The following SYTL5 variants were observed in gnomAD, a reference collection of about 807,000 sequenced individuals.
SYTL5 encodes the protein synaptotagmin-like protein 5.
Under a neutral mutation model 55.9 loss-of-function variants are expected in SYTL5, and 34 were observed. That is an observed-to-expected ratio of 0.61 (90% confidence interval 0.46 to 0.81). SYTL5 has a LOEUF of 0.81. Ranked by LOEUF, SYTL5 falls within the 30% of genes least tolerant of loss-of-function variation. SYTL5 has a pLI of 0.00. For missense variants in SYTL5, 637 were observed against 546.7 expected, an observed-to-expected ratio of 1.17 and a Z score of -1.65; for synonymous variants, 221 against 188.7, an observed-to-expected ratio of 1.17 and a Z score of -1.40.
intron 2 of SYTL5, among the ~76,000 whole-genome samples, chrX:38,038,808 T>C (rs768442837): frequency 1.8e-5 from 2 of 112,294 alleles, no homozygotes; most frequent in East Asian, 5.5e-4. Context: ...AATAAACTTA[T>C]CTGAAAAGTT....
chrX:38,060,727 A>G (rs1340887580), intron 3 of SYTL5, among the ~76,000 whole-genome samples: 2 of 112,360 alleles, frequency 1.8e-5, no homozygotes, highest in Non-Finnish European at 3.8e-5. Context: ...CTCTGAACAA[A>G]GTAAATTCCT....
the SYTL5 span, among the ~76,000 whole-genome samples, chrX:37,923,177 A>G: frequency 3.6e-5 from 4 of 112,622 alleles, no homozygotes; most frequent in African/African-American, 1.3e-4. Flanking sequence ...CCCTGCTGTA[A>G]GAGTCATTCT....
the SYTL5 span, among the ~76,000 whole-genome samples, chrX:37,985,353 TAAAAAC>T: frequency 9.0e-6 from 1 of 111,419 alleles, no homozygotes; most frequent in Non-Finnish European, 1.9e-5. Context: ...GAAAAAATGT[TAAAAAC>T]AAAAATATCA....
chrX:38,026,300 A>G (rs1294413076), intron 1 of SYTL5, among the ~76,000 whole-genome samples: 1 of 111,695 alleles, frequency 9.0e-6, no homozygotes, highest in Non-Finnish European at 1.9e-5. Flanking sequence ...CATCAACTGC[A>G]TTCTATCTTA....
At chrX:37,980,400 C>A in the SYTL5 span, among the ~76,000 whole-genome samples, 1 of 111,663 alleles carries the variant, frequency 9.0e-6, no homozygotes, top group Non-Finnish European at 1.9e-5. Flanking sequence ...ACTGGCAAGC[C>A]TTAGTAAATC....
chrX:38,049,638 C>G (rs941430467), intron 2 of SYTL5, among the ~76,000 whole-genome samples: 3 of 111,675 alleles, frequency 2.7e-5, no homozygotes, highest in African/African-American at 9.8e-5. Flanking sequence ...TGATTACACT[C>G]CATTGGCCAG....
At chrX:38,025,798 C>T (rs1602315505) in intron 1 of SYTL5, among the ~76,000 whole-genome samples, 1 of 112,025 alleles carries the variant, frequency 8.9e-6, no homozygotes, top group Admixed American at 9.5e-5. Context: ...GGTATGAAAT[C>T]GCTGAAAAGA....
At chrX:38,031,746 G>A (rs1183365560) in intron 1 of SYTL5, among the ~76,000 whole-genome samples, 2 of 111,545 alleles carry the variant, frequency 1.8e-5, no homozygotes, top group Middle Eastern at 4.7e-3. Flanking sequence ...CTTTCTCTGC[G>A]GAGACTGCAG....
intron 1 of SYTL5, among the ~76,000 whole-genome samples, chrX:38,026,283 G>C (rs992092083): frequency 1.2e-4 from 13 of 112,016 alleles, no homozygotes; most frequent in Non-Finnish European, 2.3e-4. Flanking sequence ...CGGAAGGACT[G>C]CGTTATCATC....
At position 38,040,461 on chromosome X, in the gene SYTL5, C is replaced by G. The variant is rs375461623; in HGVS notation, c.119+6453C>G. ...TTTTTAACTCATTAACCATCCCCCC[C>G]CCGACCCGAGCCCCACACTACCCTT... is the stretch of plus-strand genomic sequence containing the variant. On this transcript the variant is annotated intron_variant, in intron 2 of 16. Coordinates refer to ENST00000297875, the MANE Select transcript of SYTL5 (RefSeq NM_138780.3). 9.7e-4 allele frequency among the ~76,000 whole-genome samples: 106 copies of G among 108,732 alleles called. 1 individual carries two copies. The South Asian group carries it at 0.016, about 16-fold the overall frequency. The allele number at this position is 108,732 out of a possible 115,157, so 94.4% of individuals were successfully genotyped here.
chrX:37,991,480 G>A, the SYTL5 span, among the ~76,000 whole-genome samples: 159 of 111,201 alleles, frequency 1.4e-3, no homozygotes, highest in Middle Eastern at 0.014. Context: ...CAGTGAGGGC[G>A]CCGGCCCTGT....
chrX:38,074,156 G>T (rs1936333389), intron 5 of SYTL5, among the ~76,000 whole-genome samples: 1 of 111,812 alleles, frequency 8.9e-6, no homozygotes. Flanking sequence ...AAGAAAAAAA[G>T]TCACATTTGG....
chrX:38,047,268 T>TCA (rs1264192411), intron 2 of SYTL5, among the ~76,000 whole-genome samples: 5 of 113,004 alleles, frequency 4.4e-5, no homozygotes, highest in Non-Finnish European at 9.4e-5. Context: ...GCCCTGCCCC[T>TCA]CCAGCAAACT....
chrX:37,972,906 T>C, the SYTL5 span, among the ~76,000 whole-genome samples: 2 of 111,131 alleles, frequency 1.8e-5, no homozygotes, highest in African/African-American at 6.5e-5. Context: ...GATAAAGTAT[T>C]GTGGAGACCA....
At chrX:38,098,579 C>T (rs903704880) in intron 9 of SYTL5, among the ~76,000 whole-genome samples, 1 of 110,128 alleles carries the variant, frequency 9.1e-6, no homozygotes, top group Non-Finnish European at 1.9e-5. Flanking sequence ...ATTGGAACCC[C>T]CCTACATTGC....
At chrX:37,922,227 C>T in the SYTL5 span, among the ~76,000 whole-genome samples, 1 of 111,801 alleles carries the variant, frequency 8.9e-6, no homozygotes, top group Non-Finnish European at 1.9e-5. Context: ...AGGGTTTAAG[C>T]ATGGGGATTT....
chrX:38,120,292 A>C, intron 13 of SYTL5, 66 bp from the exon 14 acceptor site: 3 of 776,656 alleles, frequency 3.9e-6, no homozygotes, highest in Non-Finnish European at 5.9e-6. Context: ...TGCACATTCA[A>C]ATGTGGACTA....
chrX:38,025,167 C>T (rs1015676504), intron 1 of SYTL5, among the ~76,000 whole-genome samples: 2 of 112,073 alleles, frequency 1.8e-5, no homozygotes, highest in African/African-American at 6.5e-5. Context: ...GTATTCTAAG[C>T]ATCCTAAACA....
At chrX:37,952,567 A>G in the SYTL5 span, among the ~76,000 whole-genome samples, 2 of 111,285 alleles carry the variant, frequency 1.8e-5, no homozygotes, top group Non-Finnish European at 3.8e-5. Context: ...AGCAAAGGTA[A>G]CTGGGGTAAG....
Sources: gnomAD v4.1 joint callset for allele counts (sites outside exome capture counted in the v4.1 genomes callset) on GRCh38, gnomAD v4.1.1 for gene constraint, MANE v1.5 for transcripts, NCBI Gene and HGNC (gene_info 2026-07-23, HGNC 2026-07-21) for gene names.